Variants in UBE3B observed in about 807,000 individuals in gnomAD.
UBE3B encodes ubiquitin protein ligase E3B, also known as ubiquitin-protein ligase E3B.
In UBE3B, 80 loss-of-function variants were observed where a neutral mutation model predicts 132.3. The ratio of observed to expected loss-of-function variants is 0.60; its 90% CI spans 0.50 to 0.73. The LOEUF is 0.73. UBE3B is among the 30% of genes least tolerant of loss of function. The probability of loss-of-function intolerance (pLI) is 0.00; values close to 1 mark genes in which losing one functional copy is unlikely to be tolerated. For synonymous variants in UBE3B, 487 were observed against 520.4 expected (o/e 0.94, Z 0.87); for missense variants, 1,196 against 1,362.5 (o/e 0.88, Z 1.92).
At chr12:109,490,707 G>T in intron 8 of UBE3B, 2 of 1,437,166 alleles carry the variant, frequency 1.4e-6, no homozygotes, top group South Asian at 3.1e-5. Flanking sequence ...TATTATTAAA[G>T]AATTTCTAAC....
chr12:109,508,793 A>G (rs1233096449), intron 15 of UBE3B: 1 of 957,920 alleles, frequency 1.0e-6, no homozygotes, highest in Admixed American at 6.2e-5. Flanking sequence ...TGTGTCTTAA[A>G]TGGCTCATTT....
At chr12:109,512,123 G>A (rs561977112) in intron 18 of UBE3B, among the ~76,000 whole-genome samples, 2 of 152,184 alleles carry the variant, frequency 1.3e-5, no homozygotes, top group Non-Finnish European at 2.9e-5. Context: ...CCATTGGAAA[G>A]GGGGTCTGGC....
In UBE3B at chr12:109,497,827, T is replaced by C. The variant is rs757150512; in HGVS notation, c.723T>C (p.Ile241=). ...ATCTATCTGTGTCTAGCCCTGTGAT[T>C]GCTGCACAGTTCTCAGACAATCTGA... ...AAFSLALRPV[I]AAQFSDNLIR... is the part of the protein sequence containing the mutation. The change falls in exon 10 of 28, where the codon ATT becomes ATC. Residue 241 remains isoleucine, a synonymous_variant. Transcript: ENST00000342494. 21 of 1,614,060 alleles carry C rather than the reference T, an allele frequency of 1.3e-5. No individual in the cohort carries two copies. In the African/African-American group the frequency reaches 2.3e-4, roughly 17 times the overall value.
chr12:109,490,950 T>A (rs939172242), intron 8 of UBE3B, 95 bp from the exon 9 acceptor site: 1 of 1,349,194 alleles, frequency 7.4e-7, no homozygotes, highest in African/African-American at 1.5e-5. Context: ...TACAGTTTTT[T>A]TATCTGAAGC....
the UBE3B span, among the ~76,000 whole-genome samples, chr12:109,547,144 T>C: frequency 2.6e-5 from 4 of 152,090 alleles, no homozygotes; most frequent in African/African-American, 9.7e-5. This position sits in a 1 kb window ranked among gnomAD's most constrained non-coding sequence, Gnocchi z 4.1. Flanking sequence ...AAAAAGAAAT[T>C]GAAGCAATTG....
chr12:109,532,794 C>A (rs1883070807), intron 26 of UBE3B, among the ~76,000 whole-genome samples: 2 of 152,340 alleles, frequency 1.3e-5, no homozygotes, highest in South Asian at 4.1e-4. Flanking sequence ...TGCTCTGCAG[C>A]CTCACTGGCT....
At position 109,530,014 on chromosome 12, in the gene UBE3B, C is replaced by A; in HGVS notation, c.2752C>A (p.Pro918Thr). ...CGAGTGGATCCGAATGTTCTCAACT[C>A]CTGAACTGCAGCGTCTCATCTCTGG... ...KPEWIRMFST[P>T]ELQRLISGDN... The change falls in exon 25 of 28, where the codon CCT becomes ACT. Residue 918 changes from proline (P) to threonine (T), a missense_variant. Transcript: ENST00000342494. 3 of 1,614,110 alleles carry A rather than the reference C, an allele frequency of 1.9e-6. No homozygotes were observed. Among genetic ancestry groups the A allele is most frequent in the Non-Finnish European group, 2.5e-6 (3 of 1,180,018 alleles).
At chr12:109,508,022 G>C (rs1462211927) in intron 15 of UBE3B, among the ~76,000 whole-genome samples, 1 of 152,194 alleles carries the variant, frequency 6.6e-6, no homozygotes, top group African/African-American at 2.4e-5. Flanking sequence ...TCATGGCTCA[G>C]CCATTTATTC....
rs1463587266 is a variant in UBE3B at position 109,516,781 on chromosome 12, G to A, written c.1973G>A (p.Arg658Gln). The A allele has an allele frequency of 6.2e-6, 10 of 1,613,582 alleles. No individual in the cohort carries two copies. The highest frequency in any genetic ancestry group is 8.5e-6 in the Non-Finnish European group (10 of 1,179,960). Residue 658 changes from arginine (R) to glutamine (Q), a missense_variant, in exon 19 of 28, where the codon CGA (arginine) becomes CAA (glutamine). Physicochemically the swap from Arg to Gln is conservative, Grantham distance 43. Coordinates refer to ENST00000342494, the MANE Select transcript of UBE3B (RefSeq NM_130466.4). ...IPHKNRVLLF[R>Q]TMVTKEKEKL... ...TCATTTTAGAGAGTTCTACTGTTTC[G>A]AACCATGGTTACCAAGGAGAAGGAG...
rs1566078009 is a variant in UBE3B, at chr12:109,489,930, C to T, written c.556C>T (p.Arg186Ter). ...TTTTCTTTCTTTAGGTGAAAGTCTT[C>T]GACCAGCGATGAACCACATTTGTGC... ...KILRGKGESL[R>*]PAMNHICANI... The change falls in exon 8 of 28, where the codon CGA becomes TGA. Residue 186 changes from arginine (R) to a stop codon, truncating the protein, a stop_gained. Transcript: ENST00000342494. LOFTEE classifies it high-confidence loss of function. 1.9e-6 allele frequency: 3 copies of T among 1,614,122 alleles called. No homozygotes were observed. Among genetic ancestry groups the T allele is most frequent in the Middle Eastern group, 1.6e-4 (1 of 6,062 alleles).
chr12:109,519,730 C>T (rs1424524498), intron 19 of UBE3B: 1 of 152,192 alleles, frequency 6.6e-6, no homozygotes, highest in Non-Finnish European at 1.5e-5. Context: ...CTGTTTCTCC[C>T]TTTTGTCATC....
chr12:109,489,802 A>T, intron 7 of UBE3B, 117 bp from the exon 8 acceptor site: 1 of 932,748 alleles, frequency 1.1e-6, no homozygotes, highest in South Asian at 1.4e-5. Context: ...AAGGGAGGCA[A>T]GCCAGGGGGT....
At chr12:109,528,324 G>C in intron 24 of UBE3B, 2 of 984,992 alleles carry the variant, frequency 2.0e-6, no homozygotes, top group Non-Finnish European at 2.4e-6. Flanking sequence ...CCCTTTCTCA[G>C]TAAAGTGGAG....
At chr12:109,544,524 C>A in the UBE3B span, among the ~76,000 whole-genome samples, 1 of 152,290 alleles carries the variant, frequency 6.6e-6, no homozygotes, top group Non-Finnish European at 1.5e-5. Context: ...CCCCACAAAG[C>A]CAGGAAAAGC....
At chr12:109,528,870 A>G (rs1428075557) in intron 24 of UBE3B, among the ~76,000 whole-genome samples, 6 of 147,506 alleles carry the variant, frequency 4.1e-5, no homozygotes, top group African/African-American at 1.3e-4. Flanking sequence ...AGAAAAGAAA[A>G]AGAAAAGGCC....
At chr12:109,523,519 ACTT>A (rs1279682842) in intron 21 of UBE3B, among the ~76,000 whole-genome samples, 5 of 151,926 alleles carry the variant, frequency 3.3e-5, no homozygotes, top group Non-Finnish European at 5.9e-5. Context: ...TTTAGGCCTC[ACTT>A]AGCTGGCTTT....
At chr12:109,507,777 T>C in intron 15 of UBE3B, 42 bp downstream of exon 15, 3 of 1,585,494 alleles carry the variant, frequency 1.9e-6, no homozygotes, top group Non-Finnish European at 2.6e-6. Context: ...TCCTAGAATA[T>C]GGAGAGACCA....
At chr12:109,529,241 T>A (rs1026639775) in intron 24 of UBE3B, among the ~76,000 whole-genome samples, 1 of 152,190 alleles carries the variant, frequency 6.6e-6, no homozygotes, top group African/African-American at 2.4e-5. Flanking sequence ...GTTGAGAGGA[T>A]TATATGCTTT....
At chr12:109,519,300 G>T (rs1881424177) in intron 19 of UBE3B, among the ~76,000 whole-genome samples, 1 of 152,174 alleles carries the variant, frequency 6.6e-6, no homozygotes, top group Non-Finnish European at 1.5e-5. Context: ...TGAAGAAGAG[G>T]AACGCTGACT....
Sources: allele counts gnomAD v4.1 joint callset (sites outside exome capture counted in the v4.1 genomes callset), GRCh38; gene constraint gnomAD v4.1.1; non-coding constraint Gnocchi (gnomAD v3.1); transcripts MANE v1.5; gene names NCBI Gene and HGNC (gene_info 2026-07-23, HGNC 2026-07-21).